Variants in TOMM70 observed in about 807,000 individuals in gnomAD.
The protein encoded by TOMM70 is translocase of outer mitochondrial membrane 70, also known as mitochondrial import receptor subunit TOM70.
TOMM70 carries 13 observed loss-of-function variants against 73.6 expected under a neutral mutation model. The ratio of observed to expected loss-of-function variants is 0.18; its 90% confidence interval spans 0.11 to 0.28. The LOEUF (loss-of-function observed/expected upper bound fraction) is 0.28. Ranked by LOEUF, TOMM70 falls within the 10% of genes least tolerant of loss-of-function variation. The pLI is 1.00. For missense variants in TOMM70, 609 were observed against 747.5 expected (o/e 0.81, Z 2.16); for synonymous variants, 257 against 271.2 (o/e 0.95, Z 0.51).
chr3:100,395,474 C>T (rs1706815105), intron 1 of TOMM70, among the ~76,000 whole-genome samples: 1 of 143,736 alleles, frequency 7.0e-6, no homozygotes, highest in African/African-American at 2.6e-5. Flanking sequence ...ACCCAGGAGG[C>T]GGATGTTGCG....
chr3:100,400,941 G>A lies in TOMM70; in HGVS notation c.9C>T (p.Ala3=). 1 of 1,530,592 alleles carries A rather than the reference G, an allele frequency of 6.5e-7. No individual in the cohort carries two copies. The highest frequency in any genetic ancestry group is 8.7e-7 in the Non-Finnish European group (1 of 1,145,108). The allele number at this position is 1,530,592 out of a possible 1,614,324, so 94.8% of individuals were successfully genotyped here. The change falls in exon 1 of 12, where the codon GCC becomes GCT. Residue 3 remains alanine, a synonymous_variant. Coordinates refer to ENST00000284320, the MANE Select transcript of TOMM70 (RefSeq NM_014820.5). The stretch of plus-strand genomic sequence containing the variant: ...CCACCGCTGCCTCCACAGGTTTAGA[G>A]GCGGCCATGACAAGTGTCCTCTGCC... MA[A]SKPVEAAVVA... is the part of the protein sequence containing the mutation.
In TOMM70 at chr3:100,381,706, T is replaced by C; in HGVS notation, c.793A>G (p.Thr265Ala). 6.2e-7 allele frequency: 1 copy of C among 1,612,616 alleles called. No individual in the cohort carries two copies. Among genetic ancestry groups the C allele is most frequent in the Non-Finnish European group, 8.5e-7 (1 of 1,179,186 alleles). The change falls in exon 5 of 12, where the codon ACG (threonine) becomes GCG (alanine). Residue 265 changes from threonine to alanine, a missense_variant. This residue lies in a region of TOMM70 where 432 missense variants were observed against 584.1 expected (regional missense o/e 0.74). Coordinates refer to ENST00000284320, the MANE Select transcript of TOMM70 (RefSeq NM_014820.5). ...QFIKSYFSSFTDDIISQPMLK... is the reference protein window; with the variant it reads ...QFIKSYFSSFADDIISQPMLK... Reference sequence around the variant, plus strand: ...ATGGGCTGGGAAATGATATCATCCGTGAAAGAACTGAAGTAAGATTTGATA... The same window carrying C: ...ATGGGCTGGGAAATGATATCATCCGCGAAAGAACTGAAGTAAGATTTGATA...
chr3:100,387,589 CACAGACACAG>C lies in TOMM70; in HGVS notation c.325-621_325-612del, dbSNP rs763782699. Among the ~76,000 whole-genome samples the C allele has an allele frequency of 4.6e-3, 528 of 115,074 alleles. 1 individual carries two copies. The highest frequency in any genetic ancestry group is 8.3e-3 in the Admixed American group (92 of 11,122). 75.5% of individuals were successfully genotyped at this position (115,074 alleles called of 152,430 possible). A position where few individuals can be genotyped will look rare whatever the true frequency, so the allele number is the denominator to read the frequency against. On this transcript the variant is annotated intron_variant, in intron 1 of 11. Transcript: ENST00000284320. ...ACCACGTCCAGCTAAAAGACACAGACACAGACACAGACACACACACACACACACACACACA... is the reference window on the plus strand; with the variant it reads ...ACCACGTCCAGCTAAAAGACACAGACACACACACACACACACACACACACA...
intron 6 of TOMM70, among the ~76,000 whole-genome samples, chr3:100,376,393 A>T (rs1410649383): frequency 1.9e-5 from 2 of 106,090 alleles, no homozygotes; most frequent in Non-Finnish European, 3.4e-5. Context: ...TTGAGACAGG[A>T]TCTCTGTCAC....
chr3:100,363,570 A>G lies in TOMM70; in HGVS notation c.*1994T>C, dbSNP rs1706417355. 2 of 152,656 alleles carry G rather than the reference A, an allele frequency of 1.3e-5. No homozygotes were observed. The highest frequency in any genetic ancestry group is 4.8e-5 in the African/African-American group (2 of 41,456). 9.5% of individuals were successfully genotyped at this position (152,656 alleles called of 1,614,324 possible). ...GTTTCAAACATTTTCACAACAGGCA[A>G]TAGTCCATGAGAATTTGGAATGACA... is the stretch of plus-strand genomic sequence containing the variant. On this transcript the variant is annotated 3_prime_UTR_variant, in exon 12 of 12. Transcript: ENST00000284320.
In TOMM70 at chr3:100,375,027, G is replaced by A. The variant is rs535327192; in HGVS notation, c.1218C>T (p.His406=). The stretch of plus-strand genomic sequence containing the variant: ...AAGAAAACAGACTTACCTGTCCTCG[G>A]TGGTGATAAACATCTGCATTCTGAG... The part of the protein sequence containing the change: ...IDPQNADVYH[H]RGQLKILLDQ... The change falls in exon 7 of 12, where the codon CAC becomes CAT. Residue 406 remains histidine, a synonymous_variant. Transcript: ENST00000284320. 1.9e-5 allele frequency: 30 copies of A among 1,605,772 alleles called. No homozygotes were observed. The highest frequency in any genetic ancestry group is 2.1e-5 in the Non-Finnish European group (25 of 1,176,338).
At chr3:100,378,895 T>TACTCGGGAGGCTGAGGCAGGAGAATG (rs1706596753) in intron 5 of TOMM70, among the ~76,000 whole-genome samples, 1 of 152,096 alleles carries the variant, frequency 6.6e-6, no homozygotes. Context: ...TAGTCCCAGC[T>TACTCGGGAGGCTGAGGCAGGAGAATG]ACTCGGGAGG....
At chr3:100,371,335 G>A (rs1706507938) in intron 9 of TOMM70, among the ~76,000 whole-genome samples, 2 of 139,324 alleles carry the variant, frequency 1.4e-5, no homozygotes, top group South Asian at 4.5e-4. Context: ...TGTGATCTCA[G>A]CTCACTGCAA....
At chr3:100,374,315 G>A (rs1000773164) in intron 7 of TOMM70, among the ~76,000 whole-genome samples, 4 of 152,164 alleles carry the variant, frequency 2.6e-5, no homozygotes, top group African/African-American at 9.7e-5. Context: ...ATACCATCTA[G>A]GTCTGTAGAA....
intron 5 of TOMM70, among the ~76,000 whole-genome samples, chr3:100,379,278 T>C (rs1706602571): frequency 6.6e-6 from 1 of 152,190 alleles, no homozygotes; most frequent in Admixed American, 6.5e-5. Context: ...TTAAAGTACA[T>C]TTTCTTATTT....
chr3:100,388,625 C>T (rs940984234), intron 1 of TOMM70, among the ~76,000 whole-genome samples: 6 of 151,858 alleles, frequency 4.0e-5, no homozygotes, highest in African/African-American at 9.7e-5. Flanking sequence ...ACCACACAAT[C>T]GAGAATTGCT....
chr3:100,384,276 G>T (rs763080028), intron 4 of TOMM70, among the ~76,000 whole-genome samples: 1 of 152,192 alleles, frequency 6.6e-6, no homozygotes, highest in African/African-American at 2.4e-5. Flanking sequence ...ATATTCTCCA[G>T]GTAGAGTAAT....
rs896923997 is a variant in TOMM70, at chr3:100,364,062, C to T, written c.*1502G>A. The T allele has an allele frequency of 6.6e-6, 1 of 152,178 alleles. No homozygotes were observed. Among genetic ancestry groups the T allele is most frequent in the Non-Finnish European group, 1.5e-5 (1 of 68,026 alleles). 9.4% of individuals were successfully genotyped at this position (152,178 alleles called of 1,614,324 possible). A position where few individuals can be genotyped will look rare whatever the true frequency, so the allele number is the denominator to read the frequency against. ...ATTCGTTCTTAAATAAACCTCTCCCCATCCTGAGTATTTCAAAACAAAAGA... is the reference window on the plus strand; with the variant it reads ...ATTCGTTCTTAAATAAACCTCTCCCTATCCTGAGTATTTCAAAACAAAAGA... On this transcript the variant is annotated 3_prime_UTR_variant, in exon 12 of 12. Transcript: ENST00000284320.
intron 1 of TOMM70, among the ~76,000 whole-genome samples, chr3:100,394,463 G>A (rs1320590303): frequency 6.6e-6 from 1 of 151,660 alleles, no homozygotes; most frequent in Non-Finnish European, 1.5e-5. Flanking sequence ...TACTGTATGA[G>A]AAACAATGTT....
chr3:100,372,944 A>G lies in TOMM70; in HGVS notation c.1336-222T>C, dbSNP rs116065127. Among the ~76,000 whole-genome samples the G allele has an allele frequency of 4.6e-3, 697 of 152,296 alleles. 4 individuals carry two copies. Among genetic ancestry groups the G allele is most frequent in the African/African-American group, 0.013 (555 of 41,560 alleles). ...CCACTATACAATTTCAAGATGTTCA[A>G]TACTGTAGAAGAGGGCATACTAATT... On this transcript the variant is annotated intron_variant, in intron 8 of 11. Coordinates refer to ENST00000284320, the MANE Select transcript of TOMM70 (RefSeq NM_014820.5).
At position 100,374,536 on chromosome 3, in the gene TOMM70, T is replaced by C. The variant is rs955141740; in HGVS notation, c.1227+482A>G. 2.6e-5 allele frequency among the ~76,000 whole-genome samples: 4 copies of C among 152,324 alleles called. No homozygotes were observed. In the East Asian group the frequency reaches 7.7e-4, roughly 29 times the overall value. On this transcript the variant is annotated intron_variant, in intron 7 of 11. Transcript: ENST00000284320. ...ATGTTTTCCCCACTTGAGGCAGTAA[T>C]TGGAAACTGTTTCTTCACTATATAT...
chr3:100,401,050 G>A lies in TOMM70; in HGVS notation c.-101C>T, dbSNP rs1042526593. On this transcript the variant is annotated 5_prime_UTR_variant, in exon 1 of 12. Transcript: ENST00000284320. ...GAGGGAGGGAAGGAAAGCAATGAGC[G>A]AGCGAGCACGCTAGGCAGAGAGAGC... 43 of 1,243,412 alleles carry A rather than the reference G, an allele frequency of 3.5e-5. No individual in the cohort carries two copies. The highest frequency in any genetic ancestry group is 3.4e-4 in the South Asian group (26 of 76,220). 77.0% of individuals were successfully genotyped at this position (1,243,412 alleles called of 1,614,324 possible).
chr3:100,389,119 C>T (rs1015712773), intron 1 of TOMM70, among the ~76,000 whole-genome samples: 6 of 151,966 alleles, frequency 3.9e-5, no homozygotes, highest in African/African-American at 1.4e-4. Flanking sequence ...AATTTCACAA[C>T]AAAAATCCTG....
chr3:100,376,588 AT>A (rs397948694), intron 6 of TOMM70, among the ~76,000 whole-genome samples: 171 of 143,452 alleles, frequency 1.2e-3, no homozygotes, highest in South Asian at 1.1e-3. Flanking sequence ...CGTCCAATCT[AT>A]TTTTTTTTTT....
Sources: gnomAD v4.1 joint callset for allele counts (sites outside exome capture counted in the v4.1 genomes callset) on GRCh38, gnomAD v4.1.1 for gene constraint, gnomAD v4.1.1 regional missense constraint, MANE v1.5 for transcripts, NCBI Gene and HGNC (gene_info 2026-07-23, HGNC 2026-07-21) for gene names.